STK3: variants seen among roughly 807,000 people sequenced by gnomAD.
STK3 encodes the protein serine/threonine kinase 3, also known as serine/threonine-protein kinase 3.
A neutral mutation model predicts 58.0 loss-of-function variants in STK3; 41 were observed. That is an observed-to-expected ratio of 0.71 (90% confidence interval 0.55 to 0.92). STK3 has a LOEUF of 0.92. STK3 is among the 40% of genes least tolerant of loss of function. The probability of loss-of-function intolerance (pLI) is 0.00; values close to 1 mark genes in which losing one functional copy is unlikely to be tolerated. For synonymous variants in STK3, 170 were observed against 191.0 expected (o/e 0.89, Z 0.91); for missense variants, 479 against 602.7 (o/e 0.79, Z 2.15).
At chr8:98,471,778 G>A (rs1480064786) in intron 10 of STK3, among the ~76,000 whole-genome samples, 1 of 152,070 alleles carries the variant, frequency 6.6e-6, no homozygotes, top group Non-Finnish European at 1.5e-5. Flanking sequence ...ATGGGTAGGT[G>A]GGCAACTACC....
intron 8 of STK3, among the ~76,000 whole-genome samples, chr8:98,554,121 C>A (rs1308261799): frequency 6.6e-6 from 1 of 152,080 alleles, no homozygotes; most frequent in Non-Finnish European, 1.5e-5. Context: ...TAAGACCTAC[C>A]TTCTAATTAT....
At chr8:98,893,486 G>GAGAA (rs570277403) in intron 1 of STK3, among the ~76,000 whole-genome samples, 1,372 of 42,554 alleles carry the variant, frequency 0.032, 91 homozygotes, top group Middle Eastern at 0.057. Context: ...AAGAAAGAAA[G>GAGAA]AGAAAGAAAG....
chr8:98,807,321 A>T (rs1027001974), intron 1 of STK3, among the ~76,000 whole-genome samples: 3 of 151,662 alleles, frequency 2.0e-5, no homozygotes, highest in African/African-American at 7.3e-5. Flanking sequence ...CAATGGCATG[A>T]TCTTGGCTCA....
At chr8:98,486,354 A>G (rs1232883340) in intron 10 of STK3, among the ~76,000 whole-genome samples, 1 of 152,222 alleles carries the variant, frequency 6.6e-6, no homozygotes, top group African/African-American at 2.4e-5. Flanking sequence ...AAACAACTAA[A>G]GTGACAATGA....
chr8:98,926,635 G>A (rs546317920), intron 1 of STK3, among the ~76,000 whole-genome samples: 15 of 152,272 alleles, frequency 9.9e-5, no homozygotes, highest in South Asian at 8.3e-4. Context: ...AACCAAAGCC[G>A]TAAAAGAATA....
At chr8:98,704,323 C>G (rs1825814413) in intron 6 of STK3, among the ~76,000 whole-genome samples, 2 of 152,060 alleles carry the variant, frequency 1.3e-5, no homozygotes, top group African/African-American at 4.8e-5. Context: ...CTTTGTAAGA[C>G]AGCTCACAAA....
intron 3 of STK3, among the ~76,000 whole-genome samples, chr8:98,405,411 A>G (rs1285872638): frequency 1.3e-5 from 2 of 152,244 alleles, no homozygotes; most frequent in Non-Finnish European, 2.9e-5. Flanking sequence ...TAAGCCCTTG[A>G]TAAATGGTGG....
At chr8:98,571,592 C>A (rs924577632) in intron 8 of STK3, among the ~76,000 whole-genome samples, 6 of 152,122 alleles carry the variant, frequency 3.9e-5, no homozygotes, top group African/African-American at 1.2e-4. Flanking sequence ...TGAGTTCAGA[C>A]CATAAGAGGT....
chr8:98,777,132 A>T (rs901254211), intron 1 of STK3, among the ~76,000 whole-genome samples: 1 of 152,220 alleles, frequency 6.6e-6, no homozygotes, highest in African/African-American at 2.4e-5. Flanking sequence ...ATACAAAAAA[A>T]TACCTTCAGA....
intron 3 of STK3, among the ~76,000 whole-genome samples, chr8:98,835,830 G>A (rs1835725782): frequency 6.6e-6 from 1 of 152,168 alleles, no homozygotes; most frequent in Admixed American, 6.5e-5. Flanking sequence ...CAGCCCCAGG[G>A]AGGAGTAGCT....
chr8:98,404,936 G>A (rs973581528), intron 3 of STK3, among the ~76,000 whole-genome samples: 1 of 152,094 alleles, frequency 6.6e-6, no homozygotes, highest in Admixed American at 6.6e-5. Flanking sequence ...CAATAACTAG[G>A]GTTGAGAGAG....
At chr8:98,770,780 A>C (rs1329281064) in intron 2 of STK3, among the ~76,000 whole-genome samples, 1 of 152,244 alleles carries the variant, frequency 6.6e-6, no homozygotes, top group African/African-American at 2.4e-5. Flanking sequence ...AGTTTAATAG[A>C]TAACAGGATC....
intron 6 of STK3, among the ~76,000 whole-genome samples, chr8:98,629,700 A>C (rs1307817374): frequency 1.3e-5 from 2 of 152,204 alleles, no homozygotes; most frequent in Non-Finnish European, 2.9e-5. Context: ...AGCCAAGCAA[A>C]TATAACATAC....
At chr8:98,913,266 T>C (rs1839222104) in intron 1 of STK3, among the ~76,000 whole-genome samples, 1 of 152,230 alleles carries the variant, frequency 6.6e-6, no homozygotes, top group Non-Finnish European at 1.5e-5. Flanking sequence ...AAAAATGACT[T>C]GCAAATTAAA....
intron 6 of STK3, among the ~76,000 whole-genome samples, chr8:98,630,317 G>A (rs897423757): frequency 3.9e-5 from 6 of 152,130 alleles, no homozygotes; most frequent in African/African-American, 1.2e-4. Flanking sequence ...CAAACAGCAC[G>A]TACTTAGAGA....
At chr8:98,418,209 G>A (rs775112042) in intron 3 of STK3, among the ~76,000 whole-genome samples, 17 of 152,226 alleles carry the variant, frequency 1.1e-4, no homozygotes, top group Non-Finnish European at 1.8e-4. Context: ...ACTGTGTCCA[G>A]TTCTGATTTT....
chr8:98,417,483 C>A (rs1818128169), intron 3 of STK3, among the ~76,000 whole-genome samples: 1 of 151,814 alleles, frequency 6.6e-6, no homozygotes, highest in Non-Finnish European at 1.5e-5. Context: ...CACTGCACTC[C>A]AGCCTGGGTG....
At chr8:98,916,510 GA>G (rs1436886723) in intron 1 of STK3, among the ~76,000 whole-genome samples, 4 of 152,178 alleles carry the variant, frequency 2.6e-5, no homozygotes, top group Admixed American at 1.3e-4. Flanking sequence ...GTTTAAGAAG[GA>G]AAATGGAACA....
At chr8:98,535,270 C>G (rs1809661109) in intron 9 of STK3, among the ~76,000 whole-genome samples, 1 of 152,092 alleles carries the variant, frequency 6.6e-6, no homozygotes, top group Non-Finnish European at 1.5e-5. Context: ...AGATAGCATT[C>G]TTTAAAAAGT....
Sources: allele counts gnomAD v4.1 joint callset (sites outside exome capture counted in the v4.1 genomes callset), GRCh38; gene constraint gnomAD v4.1.1; transcripts MANE v1.5; gene names NCBI Gene and HGNC (gene_info 2026-07-23, HGNC 2026-07-21).